CREBBP: variants seen among roughly 807,000 people sequenced by gnomAD.
CREBBP encodes CREB-binding protein.
In CREBBP, 19 loss-of-function variants were observed where a neutral mutation model predicts 265.0. The observed-to-expected ratio is 0.07, with a 90% CI of 0.05 to 0.11. The LOEUF is 0.11. Ranked by LOEUF, CREBBP falls within the 10% of genes least tolerant of loss-of-function variation. The probability of loss-of-function intolerance (pLI) is 1.00; values close to 1 mark genes in which losing one functional copy is unlikely to be tolerated. For synonymous variants in CREBBP, 1,457 were observed against 1,223.7 expected (o/e 1.19, Z -3.98); for missense variants, 2,525 against 3,219.0 (o/e 0.78, Z 5.22).
At chr16:3,801,971 C>G (rs1477811487) in intron 3 of CREBBP, among the ~76,000 whole-genome samples, 1 of 152,116 alleles carries the variant, frequency 6.6e-6, no homozygotes, top group Non-Finnish European at 1.5e-5. Context: ...CCACTCACCC[C>G]ACCCATCATC....
Position 3,731,040 on chromosome 16 carries a change from C to T in CREBBP, c.5172+152G>A, listed in dbSNP as rs918702028. On this transcript the variant is annotated intron_variant, in intron 30 of 30. Coordinates refer to ENST00000262367, the MANE Select transcript of CREBBP (RefSeq NM_004380.3). The surrounding 1 kb of genome is among the most constrained non-coding windows in gnomAD (Gnocchi z 7.7). ...GGTTTAGGAAACACACACACAGCAA[C>T]GCCTTCTGCCTTGTGACGCTGTCCT... The T allele has an allele frequency of 2.9e-5, 24 of 821,626 alleles. No individual in the cohort carries two copies. The highest frequency in any genetic ancestry group is 1.4e-4 in the Admixed American group (7 of 51,524). 50.9% of individuals were successfully genotyped at this position (821,626 alleles called of 1,614,324 possible).
intron 2 of CREBBP, among the ~76,000 whole-genome samples, chr16:3,839,869 GAGAAAAGAAA>G (rs545258090): frequency 2.0e-5 from 3 of 151,744 alleles, no homozygotes; most frequent in Non-Finnish European, 4.4e-5. Flanking sequence ...GAGAAAGAAA[GAGAAAAGAAA>G]AGAAAAGAAA....
chr16:3,821,384 C>T (rs1266662055), intron 2 of CREBBP, among the ~76,000 whole-genome samples: 1 of 152,186 alleles, frequency 6.6e-6, no homozygotes, highest in Non-Finnish European at 1.5e-5. Context: ...AGTGGATGGC[C>T]AGCAGCCTTT....
intron 23 of CREBBP, 91 bp downstream of exon 23, chr16:3,744,803 T>C (rs1270599584): frequency 9.3e-6 from 9 of 966,416 alleles, no homozygotes; most frequent in African/African-American, 3.2e-5. Flanking sequence ...CTCAGAACCA[T>C]GTGTTGAGAG....
chr16:3,876,858 T>C (rs770129812), intron 1 of CREBBP, among the ~76,000 whole-genome samples: 1 of 152,194 alleles, frequency 6.6e-6, no homozygotes, highest in Non-Finnish European at 1.5e-5. Flanking sequence ...GGCAGTGACA[T>C]TCATCACTCT....
At chr16:3,871,197 A>T (rs141616530) in intron 1 of CREBBP, among the ~76,000 whole-genome samples, 662 of 58,638 alleles carry the variant, frequency 0.011, 9 homozygotes, top group South Asian at 0.02. Context: ...TCTCTCTCTC[A>T]CTCACACACA....
intron 3 of CREBBP, among the ~76,000 whole-genome samples, chr16:3,805,887 C>T (rs1166309815): frequency 2.0e-5 from 3 of 152,052 alleles, no homozygotes; most frequent in Admixed American, 6.6e-5. Context: ...ACCGCAAGCC[C>T]ATGTATTTAA....
chr16:3,849,432 T>TGTGTGTGTGGG (rs1567360240), intron 2 of CREBBP, among the ~76,000 whole-genome samples: 1 of 9,078 alleles, frequency 1.1e-4, no homozygotes, highest in Admixed American at 1.5e-3. Flanking sequence ...TGTGTGTGTG[T>TGTGTGTGTGGG]GTGTGTGTGT....
chr16:3,745,640 A>AGGCGGGCGGATCACGAGGT, intron 21 of CREBBP: 1 of 475,612 alleles, frequency 2.1e-6, no homozygotes, highest in East Asian at 3.8e-5. Flanking sequence ...AATTGCTGCG[A>AGGCGGGCGGATCACGAGGT]CAAATACATA....
chr16:3,731,036 G>GC lies in CREBBP; in HGVS notation c.5172+155dup. ...AGCAGGTTTAGGAAACACACACACAGCAACGCCTTCTGCCTTGTGACGCTG... is the reference window on the plus strand; with the variant it reads ...AGCAGGTTTAGGAAACACACACACAGCCAACGCCTTCTGCCTTGTGACGCTG... On this transcript the variant is annotated intron_variant, in intron 30 of 30. Coordinates refer to ENST00000262367, the MANE Select transcript of CREBBP (RefSeq NM_004380.3). The surrounding 1 kb of genome is among the most constrained non-coding windows in gnomAD (Gnocchi z 7.7). Among the ~76,000 whole-genome samples the GC allele has an allele frequency of 6.6e-6, 1 of 152,346 alleles. No individual in the cohort carries two copies. Among genetic ancestry groups the GC allele is most frequent in the Admixed American group, 6.5e-5 (1 of 15,308 alleles).
chr16:3,860,659 A>G (rs1567371254), intron 1 of CREBBP, among the ~76,000 whole-genome samples: 1 of 152,224 alleles, frequency 6.6e-6, no homozygotes, highest in Non-Finnish European at 1.5e-5. Flanking sequence ...TTTATTTGTT[A>G]ATTAAAACAA....
intron 23 of CREBBP, among the ~76,000 whole-genome samples, chr16:3,744,557 C>T (rs919915310): frequency 8.5e-5 from 13 of 152,200 alleles, no homozygotes; most frequent in African/African-American, 2.9e-4. Context: ...AGATCCACAG[C>T]CCAAGGCTGC....
intron 21 of CREBBP, among the ~76,000 whole-genome samples, chr16:3,747,132 C>T (rs1567278884): frequency 6.6e-6 from 1 of 151,966 alleles, no homozygotes; most frequent in Non-Finnish European, 1.5e-5. Context: ...ATTGGTGTTT[C>T]AGTTTCTTGC....
At chr16:3,849,428 TGTGTGTGTGTGTGTG>T (rs2054750554) in intron 2 of CREBBP, among the ~76,000 whole-genome samples, 1 of 7,940 alleles carries the variant, frequency 1.3e-4, no homozygotes, top group East Asian at 0.025. Context: ...TGTGTGTGTG[TGTGTGTGTGTGTGTG>T]TGTGTGTGTG....
At chr16:3,783,978 CTGT>C (rs1425072206) in intron 5 of CREBBP, among the ~76,000 whole-genome samples, 4 of 152,222 alleles carry the variant, frequency 2.6e-5, no homozygotes, top group Admixed American at 6.5e-5. Context: ...AACCCAAATG[CTGT>C]TGTGTGAAAA....
At chr16:3,832,057 T>G (rs1298131784) in intron 2 of CREBBP, among the ~76,000 whole-genome samples, 3 of 151,612 alleles carry the variant, frequency 2.0e-5, no homozygotes, top group Non-Finnish European at 4.4e-5. Context: ...AACACCTTCA[T>G]GCCAAATCAA....
chr16:3,771,847 G>T (rs1445579943), intron 13 of CREBBP, among the ~76,000 whole-genome samples: 2 of 140,494 alleles, frequency 1.4e-5, no homozygotes, highest in African/African-American at 5.4e-5. Flanking sequence ...GTCTCGCTCT[G>T]TCACCCAGTC....
intron 2 of CREBBP, among the ~76,000 whole-genome samples, chr16:3,836,935 A>G (rs1677457141): frequency 6.6e-6 from 1 of 152,236 alleles, no homozygotes; most frequent in African/African-American, 2.4e-5. Flanking sequence ...GTGTAAACAA[A>G]TCAATGCACT....
rs745953254 is a variant in CREBBP, at chr16:3,778,030, T to A, written c.2094A>T (p.Ala698=). The A allele has an allele frequency of 1.9e-6, 3 of 1,614,158 alleles. No individual in the cohort carries two copies. The highest frequency in any genetic ancestry group is 2.2e-5 in the South Asian group (2 of 91,084). ...PGAQPPVIPQ[A]QPVRPPNGPL... is the part of the protein sequence containing the mutation. ...CCTTACTTGGAGGTCTCACAGGTTGTGCCTGTGGAATCACAGGGGGCTGAG... is the reference window on the plus strand; with the variant it reads ...CCTTACTTGGAGGTCTCACAGGTTGAGCCTGTGGAATCACAGGGGGCTGAG... Residue 698 remains alanine, a synonymous_variant, in exon 10 of 31, where the codon GCA becomes GCT. Coordinates refer to ENST00000262367, the MANE Select transcript of CREBBP (RefSeq NM_004380.3).
Sources: gnomAD v4.1 joint callset for allele counts (sites outside exome capture counted in the v4.1 genomes callset) on GRCh38, gnomAD v4.1.1 for gene constraint, Gnocchi (gnomAD v3.1) non-coding constraint, MANE v1.5 for transcripts, NCBI Gene and HGNC (gene_info 2026-07-23, HGNC 2026-07-21) for gene names.